PTPRD: variants seen among roughly 807,000 people sequenced by gnomAD.
PTPRD encodes the protein receptor-type tyrosine-protein phosphatase delta.
Under a neutral mutation model 214.5 loss-of-function variants are expected in PTPRD, and 34 were observed. That is an observed-to-expected ratio of 0.16 (90% CI 0.12 to 0.21). The LOEUF is 0.21. Among genes scored for constraint, PTPRD ranks in the 10% least tolerant of loss-of-function variants. The pLI, the probability that PTPRD is intolerant of heterozygous loss-of-function variation, is 1.00. For missense variants in PTPRD, 2,545 were observed against 2,398.7 expected, an observed-to-expected ratio of 1.06 and a Z score of -1.27; for synonymous variants, 1,128 against 845.7, an observed-to-expected ratio of 1.33 and a Z score of -5.79.
At chr9:8,773,647 T>C (rs2095334218) in intron 11 of PTPRD, among the ~76,000 whole-genome samples, 1 of 152,212 alleles carries the variant, frequency 6.6e-6, no homozygotes, top group Non-Finnish European at 1.5e-5. Context: ...CTTAAAACAC[T>C]TCATTGAATT....
chr9:8,588,868 G>A (rs2093879736), intron 14 of PTPRD, among the ~76,000 whole-genome samples: 1 of 152,042 alleles, frequency 6.6e-6, no homozygotes. Flanking sequence ...AGGATAATCT[G>A]GATAATTGTT....
intron 2 of PTPRD, among the ~76,000 whole-genome samples, chr9:10,363,826 G>T (rs1394169333): frequency 6.6e-6 from 1 of 151,872 alleles, no homozygotes; most frequent in Non-Finnish European, 1.5e-5. Context: ...GTAGATAGAT[G>T]CTATGGAAAA....
chr9:9,745,454 A>C (rs1326292540), intron 6 of PTPRD, among the ~76,000 whole-genome samples: 2 of 152,140 alleles, frequency 1.3e-5, no homozygotes. Context: ...TCAGACTATG[A>C]AATTAAAATT....
intron 14 of PTPRD, among the ~76,000 whole-genome samples, chr9:8,579,221 C>T (rs2092792771): frequency 1.3e-5 from 2 of 152,224 alleles, no homozygotes; most frequent in Admixed American, 1.3e-4. Context: ...TTCCAACCAA[C>T]TGTCCATCTA....
At chr9:9,610,076 G>A (rs555309852) in intron 7 of PTPRD, among the ~76,000 whole-genome samples, 6 of 152,068 alleles carry the variant, frequency 3.9e-5, no homozygotes, top group African/African-American at 1.4e-4. Flanking sequence ...TTTTGGCTTG[G>A]GGGACTACTG....
At chr9:10,181,328 C>T (rs575845264) in intron 3 of PTPRD, among the ~76,000 whole-genome samples, 92 of 152,158 alleles carry the variant, frequency 6.0e-4, no homozygotes, top group Admixed American at 5.7e-3. Context: ...CTACGACTAG[C>T]GTATATGGAA....
chr9:10,120,696 A>G (rs1247788274), intron 3 of PTPRD, among the ~76,000 whole-genome samples: 1 of 152,046 alleles, frequency 6.6e-6, no homozygotes, highest in Non-Finnish European at 1.5e-5. Context: ...AAAACATAAA[A>G]ATTTAATAAG....
In PTPRD at chr9:10,393,549, G is replaced by C. The variant is rs1008244908; in HGVS notation, c.-599-52532C>G. On this transcript the variant is annotated intron_variant, in intron 2 of 45. Coordinates refer to ENST00000381196, the MANE Select transcript of PTPRD (RefSeq NM_002839.4). ...CTCATGCCTCTAATCCCAGCACTTT[G>C]GGAAGCCAAGGAGGGAGGATTGCTT... 3.3e-5 allele frequency among the ~76,000 whole-genome samples: 5 copies of C among 151,194 alleles called. No homozygotes were observed. The Admixed American group carries it at 3.3e-4, about 10-fold the overall frequency.
chr9:9,915,391 G>A (rs1245910697), intron 5 of PTPRD, among the ~76,000 whole-genome samples: 1 of 151,146 alleles, frequency 6.6e-6, no homozygotes, highest in Non-Finnish European at 1.5e-5. Flanking sequence ...CAATCATAAG[G>A]AAATATATGA....
intron 36 of PTPRD, among the ~76,000 whole-genome samples, chr9:8,389,849 A>C (rs1025489067): frequency 2.0e-5 from 3 of 152,200 alleles, no homozygotes; most frequent in Non-Finnish European, 4.4e-5. Flanking sequence ...AATTCTTTGT[A>C]GATTTAGTTA....
chr9:8,748,389 C>T (rs932258656), intron 11 of PTPRD, among the ~76,000 whole-genome samples: 32 of 151,910 alleles, frequency 2.1e-4, no homozygotes, highest in African/African-American at 6.0e-4. Flanking sequence ...TGCCTGAGAG[C>T]ACAGCAGGAG....
At chr9:9,592,913 T>C (rs1209887560) in intron 7 of PTPRD, among the ~76,000 whole-genome samples, 2 of 151,716 alleles carry the variant, frequency 1.3e-5, no homozygotes, top group Non-Finnish European at 2.9e-5. Context: ...GATGTGGTGG[T>C]ACACACCTGT....
At chr9:9,164,880 C>CAAAA in intron 10 of PTPRD, among the ~76,000 whole-genome samples, 2 of 140,736 alleles carry the variant, frequency 1.4e-5, no homozygotes, top group South Asian at 4.6e-4. Context: ...CAAAACAAAA[C>CAAAA]AAAACAAACA....
chr9:10,034,440 T>C (rs1589376851), intron 3 of PTPRD, among the ~76,000 whole-genome samples: 1 of 150,400 alleles, frequency 6.6e-6, no homozygotes, highest in South Asian at 2.1e-4. Flanking sequence ...TTAAGAACTT[T>C]TAAGTTCAGG....
chr9:8,587,578 A>C (rs1459925093), intron 14 of PTPRD, among the ~76,000 whole-genome samples: 2 of 152,228 alleles, frequency 1.3e-5, no homozygotes, highest in African/African-American at 4.8e-5. Flanking sequence ...TTTCCTAATC[A>C]CATAAAATGG....
intron 9 of PTPRD, among the ~76,000 whole-genome samples, chr9:9,314,871 CT>C (rs1361093709): frequency 2.6e-5 from 4 of 151,816 alleles, no homozygotes; most frequent in South Asian, 2.1e-4. Context: ...CACAAAGGAC[CT>C]TTTTTTCCTC....
intron 11 of PTPRD, among the ~76,000 whole-genome samples, chr9:8,834,186 AG>A (rs959054534): frequency 6.6e-6 from 1 of 152,104 alleles, no homozygotes; most frequent in African/African-American, 2.4e-5. Flanking sequence ...CAATAGTTCA[AG>A]GGAAAAAGCC....
chr9:8,966,676 C>T (rs1455424453), intron 11 of PTPRD, among the ~76,000 whole-genome samples: 1 of 151,932 alleles, frequency 6.6e-6, no homozygotes, highest in African/African-American at 2.4e-5. Flanking sequence ...CTAGGAAATA[C>T]CCTTCTCAAC....
chr9:10,256,314 G>T (rs2093272413), intron 3 of PTPRD, among the ~76,000 whole-genome samples: 1 of 151,206 alleles, frequency 6.6e-6, no homozygotes, highest in Non-Finnish European at 1.5e-5. Context: ...GTCTTCGGGG[G>T]TAATAACACA....
Sources: allele counts gnomAD v4.1 joint callset (sites outside exome capture counted in the v4.1 genomes callset), GRCh38; gene constraint gnomAD v4.1.1; transcripts MANE v1.5; gene names NCBI Gene and HGNC (gene_info 2026-07-23, HGNC 2026-07-21).